Variants in GRM8 observed in about 807,000 individuals in gnomAD.
GRM8 encodes glutamate metabotropic receptor 8, also known as metabotropic glutamate receptor 8.
Under a neutral mutation model 87.2 loss-of-function variants are expected in GRM8, and 47 were observed. The ratio of observed to expected loss-of-function variants is 0.54; its 90% CI spans 0.43 to 0.69. The LOEUF (loss-of-function observed/expected upper bound fraction) is 0.69, where lower values mean the gene tolerates loss of function less well. Among genes scored for constraint, GRM8 ranks in the 30% least tolerant of loss-of-function variants. The pLI is 0.00. For missense variants in GRM8, 1,019 were observed against 1,139.2 expected, an observed-to-expected ratio of 0.89 and a Z score of 1.52; for synonymous variants, 396 against 404.5, an observed-to-expected ratio of 0.98 and a Z score of 0.25.
At chr7:126,872,272 C>G (rs60460623) in intron 6 of GRM8, among the ~76,000 whole-genome samples, 1 of 152,102 alleles carries the variant, frequency 6.6e-6, no homozygotes, top group African/African-American at 2.4e-5. Flanking sequence ...CCTAACCTTT[C>G]CCCATTTCCT....
intron 6 of GRM8, among the ~76,000 whole-genome samples, chr7:126,811,304 T>G (rs1793265951): frequency 6.6e-6 from 1 of 152,096 alleles, no homozygotes. Context: ...GGTAATGTGA[T>G]ACCTCCTGCT....
intron 3 of GRM8, chr7:126,981,473 T>A (rs764097780): frequency 6.6e-6 from 1 of 152,198 alleles, no homozygotes; most frequent in Non-Finnish European, 1.5e-5. Context: ...AGTCCTAAGG[T>A]AGTGCATGGT....
chr7:126,443,630 T>G (rs1055223165), intron 10 of GRM8, among the ~76,000 whole-genome samples: 2 of 152,032 alleles, frequency 1.3e-5, no homozygotes, highest in Non-Finnish European at 2.9e-5. Context: ...AATTAAACTT[T>G]TTTTTCAGGC....
chr7:127,120,088 C>T (rs1826943250), intron 2 of GRM8, among the ~76,000 whole-genome samples: 2 of 152,158 alleles, frequency 1.3e-5, no homozygotes, highest in Non-Finnish European at 2.9e-5. Context: ...ATCTGGTGCA[C>T]CAGGGGTCCT....
At position 126,438,987 on chromosome 7, in the gene GRM8, T is replaced by C; in HGVS notation, c.*132A>G. 1 of 666,378 alleles carries C rather than the reference T, an allele frequency of 1.5e-6. No homozygotes were observed. Among genetic ancestry groups the C allele is most frequent in the Non-Finnish European group, 2.7e-6 (1 of 368,290 alleles). The allele number at this position is 666,378 out of a possible 1,614,324, so 41.3% of individuals were successfully genotyped here. On this transcript the variant is annotated 3_prime_UTR_variant, in exon 11 of 11. Transcript: ENST00000339582. ...ACTTTTGGCTCATGGCTAATTTTTG[T>C]TCCTTACAAGACTGACTATTGATTT...
At chr7:126,696,035 A>G (rs1163472914) in intron 7 of GRM8, among the ~76,000 whole-genome samples, 3 of 152,154 alleles carry the variant, frequency 2.0e-5, no homozygotes, top group Non-Finnish European at 4.4e-5. Flanking sequence ...TTTTACAACC[A>G]GGTAAAATGT....
chr7:126,825,487 A>G (rs1350265787), intron 6 of GRM8, among the ~76,000 whole-genome samples: 1 of 152,250 alleles, frequency 6.6e-6, no homozygotes, highest in Non-Finnish European at 1.5e-5. Flanking sequence ...TGACTTGCTC[A>G]GGGTCAAAAG....
rs548517458 is a variant in GRM8 at position 126,496,245 on chromosome 7, G to C, written c.2430+36707C>G. On this transcript the variant is annotated intron_variant, in intron 9 of 10. Transcript: ENST00000339582. ...GGAAGAAAGGGAGACAGTGTGGAAG[G>C]AAGGATGGATATACGGAAGAAAGGA... Among the ~76,000 whole-genome samples the C allele has an allele frequency of 9.2e-5, 14 of 152,014 alleles. 1 individual carries two copies. Among genetic ancestry groups the C allele is most frequent in the African/African-American group, 2.9e-4 (12 of 41,530 alleles).
At chr7:126,454,488 T>C (rs1159055191) in intron 9 of GRM8, among the ~76,000 whole-genome samples, 1 of 148,410 alleles carries the variant, frequency 6.7e-6, no homozygotes, top group Non-Finnish European at 1.5e-5. Context: ...CGGAGGCACA[T>C]GATGTTTTAA....
At chr7:127,107,090 G>T (rs1036341980) in intron 2 of GRM8, among the ~76,000 whole-genome samples, 2 of 152,158 alleles carry the variant, frequency 1.3e-5, no homozygotes, top group Non-Finnish European at 2.9e-5. Flanking sequence ...ATCAGAAAAG[G>T]TCACCTCTGA....
rs149709150 is a variant in GRM8, at chr7:127,015,907, C to T, written c.727+90589G>A. Among the ~76,000 whole-genome samples, 792 of 152,182 alleles carry T rather than the reference C, an allele frequency of 5.2e-3. 10 individuals are homozygous for T. The highest frequency in any genetic ancestry group is 0.018 in the African/African-American group (739 of 41,550). The stretch of plus-strand genomic sequence containing the variant: ...ATTCAAATGATTTTAGTTGAACTGA[C>T]ATTAAATTATAACCTCTTGGTTTAA... On this transcript the variant is annotated intron_variant, in intron 3 of 10. Transcript: ENST00000339582.
intron 8 of GRM8, among the ~76,000 whole-genome samples, chr7:126,571,185 TA>T: frequency 6.6e-6 from 1 of 152,242 alleles, no homozygotes; most frequent in Non-Finnish European, 1.5e-5. Context: ...TCATTACTAA[TA>T]CAAGAAATTT....
chr7:127,053,799 G>C (rs1214927169), intron 3 of GRM8, among the ~76,000 whole-genome samples: 1 of 18,894 alleles, frequency 5.3e-5, no homozygotes, highest in African/African-American at 3.7e-4. Flanking sequence ...AAAAAAAAAA[G>C]GGGGGGGGGA....
intron 2 of GRM8, among the ~76,000 whole-genome samples, chr7:127,201,220 T>C (rs910391715): frequency 6.6e-6 from 1 of 152,220 alleles, no homozygotes; most frequent in Non-Finnish European, 1.5e-5. Context: ...CTGTGCTAGA[T>C]ACTGTTACTA....
At position 126,606,320 on chromosome 7, in the gene GRM8, T is replaced by C. The variant is rs1437840824; in HGVS notation, c.1494+3042A>G. 5.9e-5 allele frequency among the ~76,000 whole-genome samples: 9 copies of C among 152,308 alleles called. No homozygotes were observed. In the South Asian group the frequency reaches 1.2e-3, roughly 21 times the overall value. The stretch of plus-strand genomic sequence containing the variant: ...TCACTGACCACATAGAATATTGAGA[T>C]ACTGAATTAATCATAAGTAACATTT... On this transcript the variant is annotated intron_variant, in intron 8 of 10. Transcript: ENST00000339582.
At chr7:127,174,235 G>A (rs1230583555) in intron 2 of GRM8, among the ~76,000 whole-genome samples, 1 of 152,152 alleles carries the variant, frequency 6.6e-6, no homozygotes, top group African/African-American at 2.4e-5. Context: ...ATTATTGGAG[G>A]ATATAGTGAA....
chr7:126,532,303 C>A (rs1814940048), intron 9 of GRM8, among the ~76,000 whole-genome samples: 1 of 152,146 alleles, frequency 6.6e-6, no homozygotes, highest in African/African-American at 2.4e-5. Context: ...CTTCTTTACC[C>A]TCATCATCAA....
rs1343559287 is a variant in GRM8, at chr7:126,533,778, C to G, written c.1604G>C (p.Cys535Ser). 2 of 1,613,992 alleles carry G rather than the reference C, an allele frequency of 1.2e-6. No homozygotes were observed. Among genetic ancestry groups the G allele is most frequent in the Admixed American group, 1.7e-5 (1 of 60,028 alleles). ...RKKTVKGVPC[C>S]WHCERCEGYN... is the part of the protein sequence containing the mutation. ...ACCTTCACAGCGTTCACAGTGCCAG[C>G]AGCAAGGGACCCCTTTCACCGTTTT... Residue 535 changes from cysteine to serine, a missense_variant, in exon 9 of 11, where the codon TGC (cysteine) becomes TCC (serine). By Grantham distance (112) the Cys-to-Ser change is moderately radical (BLOSUM62 -1). Transcript: ENST00000339582.
chr7:126,575,231 T>C (rs945820256), intron 8 of GRM8, among the ~76,000 whole-genome samples: 5 of 150,678 alleles, frequency 3.3e-5, no homozygotes, highest in African/African-American at 9.8e-5. Context: ...GTGAGCCCTA[T>C]TGTGAACTGA....
Sources: allele counts gnomAD v4.1 joint callset (sites outside exome capture counted in the v4.1 genomes callset), GRCh38; gene constraint gnomAD v4.1.1; transcripts MANE v1.5; gene names NCBI Gene and HGNC (gene_info 2026-07-23, HGNC 2026-07-21).